The following SPMIP4 variants were observed in gnomAD, a reference collection of about 807,000 sequenced individuals.
The protein encoded by SPMIP4 is sperm-associated microtubule inner protein 4.
At chr7:25,139,017 G>C in the SPMIP4 span, among the ~76,000 whole-genome samples, 7 of 152,168 alleles carry the variant, frequency 4.6e-5, no homozygotes, top group Non-Finnish European at 8.8e-5. Flanking sequence ...CAGCTGACTG[G>C]GAGGGGGTAT....
At chr7:25,156,431 A>G in the SPMIP4 span, among the ~76,000 whole-genome samples, 2 of 152,228 alleles carry the variant, frequency 1.3e-5, no homozygotes, top group Admixed American at 1.3e-4. Context: ...TATGAAGAGA[A>G]TTTGAAAAGC....
chr7:25,173,134 A>G, the SPMIP4 span, among the ~76,000 whole-genome samples: 1 of 151,968 alleles, frequency 6.6e-6, no homozygotes, highest in East Asian at 1.9e-4. The surrounding 1 kb of genome is among the most constrained non-coding windows in gnomAD (Gnocchi z 4.4). Context: ...AGGAAGAGAG[A>G]GAGAGGGAAA....
chr7:25,129,909 T>C, the SPMIP4 span, among the ~76,000 whole-genome samples: 8 of 152,012 alleles, frequency 5.3e-5, no homozygotes, highest in Admixed American at 1.3e-4. Flanking sequence ...TTTTCAAATC[T>C]GCCTCCCTAA....
chr7:25,136,482 A>G, the SPMIP4 span: 1 of 1,614,108 alleles, frequency 6.2e-7, no homozygotes, highest in Middle Eastern at 1.6e-4. This position sits in a 1 kb window ranked among gnomAD's most constrained non-coding sequence, Gnocchi z 5.7. Context: ...CATAAATGCT[A>G]GTTAGGTCTT....
the SPMIP4 span, among the ~76,000 whole-genome samples, chr7:25,126,916 T>G: frequency 6.6e-6 from 1 of 150,562 alleles, no homozygotes; most frequent in African/African-American, 2.5e-5. Flanking sequence ...GGGAAAGTCT[T>G]TATTTCTCCC....
At chr7:25,137,044 G>A in the SPMIP4 span, among the ~76,000 whole-genome samples, 1 of 152,192 alleles carries the variant, frequency 6.6e-6, no homozygotes, top group East Asian at 1.9e-4. Context: ...TTTCTGTGTG[G>A]GAACTCTGCT....
At chr7:25,145,716 T>G in the SPMIP4 span, among the ~76,000 whole-genome samples, 1 of 152,250 alleles carries the variant, frequency 6.6e-6, no homozygotes, top group African/African-American at 2.4e-5. Flanking sequence ...AGAGGAATAG[T>G]ACTATATAAA....
the SPMIP4 span, among the ~76,000 whole-genome samples, chr7:25,166,325 C>T: frequency 0.19 from 27,150 of 146,260 alleles, 3,517 homozygotes; most frequent in African/African-American, 0.38. Flanking sequence ...TGGTGGCTCA[C>T]GCCTGTAATC....
chr7:25,133,283 C>T, the SPMIP4 span, among the ~76,000 whole-genome samples: 1 of 152,148 alleles, frequency 6.6e-6, no homozygotes, highest in Non-Finnish European at 1.5e-5. Context: ...CCTAATTTTG[C>T]AACATCCAGT....
chr7:25,161,932 T>C, the SPMIP4 span, among the ~76,000 whole-genome samples: 1 of 152,160 alleles, frequency 6.6e-6, no homozygotes, highest in African/African-American at 2.4e-5. Context: ...AAAACAATAA[T>C]TCTATTTTAA....
chr7:25,177,695 C>T, the SPMIP4 span, among the ~76,000 whole-genome samples: 1 of 151,964 alleles, frequency 6.6e-6, no homozygotes, highest in Non-Finnish European at 1.5e-5. Context: ...AACAGTAGTA[C>T]TTATAGGGTT....
the SPMIP4 span, chr7:25,155,306 T>C: frequency 3.6e-6 from 3 of 832,484 alleles, no homozygotes; most frequent in South Asian, 4.4e-5. Context: ...GAAACTGTTC[T>C]AATGCTGGGG....
At chr7:25,130,300 T>A in the SPMIP4 span, among the ~76,000 whole-genome samples, 1 of 149,220 alleles carries the variant, frequency 6.7e-6, no homozygotes, top group Non-Finnish European at 1.5e-5. Flanking sequence ...GGACAGTGGC[T>A]GGTTATCACT....
the SPMIP4 span, chr7:25,179,622 C>T: frequency 0.038 from 9,061 of 235,502 alleles, 564 homozygotes; most frequent in East Asian, 0.25. Context: ...ACATTCAATT[C>T]CTGCCTTAAA....
the SPMIP4 span, among the ~76,000 whole-genome samples, chr7:25,159,599 T>C: frequency 6.6e-6 from 1 of 152,246 alleles, no homozygotes; most frequent in Non-Finnish European, 1.5e-5. Flanking sequence ...ATTTTTTAGA[T>C]GTTCCTCCAT....
the SPMIP4 span, chr7:25,179,384 A>C: frequency 1.3e-6 from 2 of 1,530,452 alleles, no homozygotes; most frequent in Non-Finnish European, 1.8e-6. Flanking sequence ...GGCAGGCAGA[A>C]AACACATTTT....
At chr7:25,168,539 A>C in the SPMIP4 span, 1 of 1,229,830 alleles carries the variant, frequency 8.1e-7, no homozygotes, top group Non-Finnish European at 1.1e-6. Flanking sequence ...AGATTGCATA[A>C]AATTCCTACC....
At chr7:25,145,775 C>T in the SPMIP4 span, among the ~76,000 whole-genome samples, 1 of 152,134 alleles carries the variant, frequency 6.6e-6, no homozygotes, top group African/African-American at 2.4e-5. Flanking sequence ...TAACTCATAA[C>T]CTATTTAATA....
At chr7:25,128,703 G>C in the SPMIP4 span, among the ~76,000 whole-genome samples, 1 of 152,232 alleles carries the variant, frequency 6.6e-6, no homozygotes, top group African/African-American at 2.4e-5. This position sits in a 1 kb window ranked among gnomAD's most constrained non-coding sequence, Gnocchi z 4.5. Flanking sequence ...CAGTAGCTGA[G>C]CTGGTATCCA....
Sources: gnomAD v4.1 joint callset for allele counts (sites outside exome capture counted in the v4.1 genomes callset) on GRCh38, gnomAD v4.1.1 for gene constraint, Gnocchi (gnomAD v3.1) non-coding constraint, MANE v1.5 for transcripts, NCBI Gene and HGNC (gene_info 2026-07-23, HGNC 2026-07-21) for gene names.